PCDHA5: variants seen among roughly 807,000 people sequenced by gnomAD.
PCDHA5 encodes the protein protocadherin alpha-5.
In PCDHA5, 43 loss-of-function variants were observed where a neutral mutation model predicts 61.6. The observed-to-expected ratio is 0.70, with a 90% CI of 0.55 to 0.90. The LOEUF is 0.90. Among genes scored for constraint, PCDHA5 ranks in the 40% least tolerant of loss-of-function variants. The pLI is 0.00. For missense variants in PCDHA5, 1,298 were observed against 1,222.7 expected (o/e 1.06, Z -0.92); for synonymous variants, 627 against 543.9 (o/e 1.15, Z -2.13).
chr5:140,925,503 C>T (rs1210013790), intron 1 of PCDHA5, among the ~76,000 whole-genome samples: 1 of 151,978 alleles, frequency 6.6e-6, no homozygotes, highest in Non-Finnish European at 1.5e-5. Context: ...TCCCAATATC[C>T]ACGCAAAAGA....
chr5:140,953,475 T>C (rs1178172011), intron 1 of PCDHA5, among the ~76,000 whole-genome samples: 3 of 152,140 alleles, frequency 2.0e-5, no homozygotes, highest in African/African-American at 7.2e-5. Context: ...AACTTCCTCA[T>C]GCTGTGTCAC....
chr5:140,994,314 C>T (rs936811729), intron 3 of PCDHA5, among the ~76,000 whole-genome samples: 4 of 152,192 alleles, frequency 2.6e-5, no homozygotes, highest in African/African-American at 9.6e-5. Flanking sequence ...AGGGCCCAAA[C>T]ACTCTCAGCA....
At chr5:140,989,940 G>A (rs947716591) in intron 3 of PCDHA5, among the ~76,000 whole-genome samples, 9 of 152,062 alleles carry the variant, frequency 5.9e-5, no homozygotes, top group Admixed American at 1.3e-4. Flanking sequence ...GACATTCCAC[G>A]TTTTTCTCGG....
chr5:140,897,875 G>A (rs2066378352), intron 1 of PCDHA5, among the ~76,000 whole-genome samples: 1 of 152,080 alleles, frequency 6.6e-6, no homozygotes, highest in South Asian at 2.1e-4. Flanking sequence ...TTTAATGATT[G>A]CCATTCTAAC....
intron 1 of PCDHA5, among the ~76,000 whole-genome samples, chr5:140,908,003 C>G (rs1325602233): frequency 1.3e-5 from 2 of 152,164 alleles, no homozygotes; most frequent in Non-Finnish European, 2.9e-5. Context: ...ACCATCCAGC[C>G]AAACCACTGG....
intron 1 of PCDHA5, among the ~76,000 whole-genome samples, chr5:140,893,709 G>A (rs141117049): frequency 6.6e-6 from 1 of 152,250 alleles, no homozygotes; most frequent in East Asian, 1.9e-4. Flanking sequence ...AGCCTGTAAA[G>A]CTTCTGCTGA....
chr5:140,928,066 G>A lies in PCDHA5; in HGVS notation c.2353-50883G>A, dbSNP rs376048656. On this transcript the variant is annotated intron_variant, in intron 1 of 3. Transcript: ENST00000529859. ...CCCTTTTCAGCTGACGGCTTCCTTT[G>A]ACAACTACTACAGCCTGCTGATTGA... 8.7e-6 allele frequency: 14 copies of A among 1,614,036 alleles called. No individual in the cohort carries two copies. In the African/African-American group the frequency reaches 1.9e-4, roughly 22 times the overall value.
Position 140,823,879 on chromosome 5 carries a change from G to T in PCDHA5, c.2104G>T (p.Ala702Ser). ...LVDVNVYLII[A>S]ICAVSSLLVL... ...GGATGTCAACGTGTACCTGATCATC[G>T]CCATCTGTGCGGTGTCCAGCCTGCT... is the stretch of plus-strand genomic sequence containing the variant. Residue 702 changes from alanine (A) to serine (S), a missense_variant, in exon 1 of 4, where the codon GCC (alanine) becomes TCC (serine). Coordinates refer to ENST00000529859, the MANE Select transcript of PCDHA5 (RefSeq NM_018908.3). 1 of 1,613,898 alleles carries T rather than the reference G, an allele frequency of 6.2e-7. No individual in the cohort carries two copies. Among genetic ancestry groups the T allele is most frequent in the Non-Finnish European group, 8.5e-7 (1 of 1,179,928 alleles).
At chr5:140,952,111 G>A (rs1040553968) in intron 1 of PCDHA5, among the ~76,000 whole-genome samples, 1 of 152,086 alleles carries the variant, frequency 6.6e-6, no homozygotes, top group Non-Finnish European at 1.5e-5. Context: ...ACTCGTGTGA[G>A]GGATGGGCTC....
chr5:140,990,754 G>A (rs3822343), intron 3 of PCDHA5, among the ~76,000 whole-genome samples: 7,419 of 152,246 alleles, frequency 0.049, 237 homozygotes, highest in South Asian at 0.11. Flanking sequence ...GGATACCTTT[G>A]AGCCTGTAAA....
intron 3 of PCDHA5, among the ~76,000 whole-genome samples, chr5:140,990,685 C>T (rs1451672615): frequency 2.6e-5 from 4 of 152,252 alleles, no homozygotes; most frequent in South Asian, 4.1e-4. Context: ...AAGCTGCTTT[C>T]GGAGAGTCCA....
In PCDHA5 at chr5:140,857,247, A is replaced by T. The variant is rs140390466; in HGVS notation, c.2352+33120A>T. 1.3e-4 allele frequency: 206 copies of T among 1,598,558 alleles called. 15 individuals carry two copies. The African/African-American group carries it at 2.2e-3, about 17-fold the overall frequency. On this transcript the variant is annotated intron_variant, in intron 1 of 3. Transcript: ENST00000529859. The stretch of plus-strand genomic sequence containing the variant: ...GTTCCGTTCAAGCTGGTGTCCACCT[A>T]CAAGAATTACTACTCATTGGTGCTG...
chr5:140,898,072 G>T (rs1412097602), intron 1 of PCDHA5, among the ~76,000 whole-genome samples: 1 of 152,012 alleles, frequency 6.6e-6, no homozygotes, highest in Non-Finnish European at 1.5e-5. Flanking sequence ...TGAGTTCATT[G>T]TAGATTCTGG....
intron 3 of PCDHA5, among the ~76,000 whole-genome samples, chr5:140,985,692 C>T (rs1208331191): frequency 6.6e-6 from 1 of 151,060 alleles, no homozygotes; most frequent in Non-Finnish European, 1.5e-5. Flanking sequence ...CGCTAATCCT[C>T]GTTCATATGT....
intron 3 of PCDHA5, among the ~76,000 whole-genome samples, chr5:141,000,396 T>TCTATAA (rs2097916207): frequency 7.7e-5 from 5 of 65,332 alleles, no homozygotes; most frequent in African/African-American, 3.1e-4. Context: ...TCTCTCTCTC[T>TCTATAA]ATATATATAT....
At chr5:140,994,081 G>A (rs147535219) in intron 3 of PCDHA5, among the ~76,000 whole-genome samples, 2 of 152,260 alleles carry the variant, frequency 1.3e-5, no homozygotes, top group Admixed American at 6.5e-5. Flanking sequence ...AGGGAGAAAT[G>A]TAAAGAAATA....
intron 1 of PCDHA5, among the ~76,000 whole-genome samples, chr5:140,961,888 T>G (rs1361187779): frequency 4.0e-5 from 5 of 124,944 alleles, no homozygotes; most frequent in Non-Finnish European, 7.9e-5. Context: ...CTTACATCAG[T>G]TTTTTTTTTT....
rs1284021507 is a variant in PCDHA5, at chr5:140,883,838, G to C, written c.2352+59711G>C. The C allele has an allele frequency of 6.2e-7, 1 of 1,612,620 alleles. No individual in the cohort carries two copies. The highest frequency in any genetic ancestry group is 8.5e-7 in the Non-Finnish European group (1 of 1,179,840). On this transcript the variant is annotated intron_variant, in intron 1 of 3. Coordinates refer to ENST00000529859, the MANE Select transcript of PCDHA5 (RefSeq NM_018908.3). ...CAAGGTGTACGCGCTGCAGCCGTTG[G>C]ACCACGAGGAGCTGGAGCTGTTGCA...
intron 1 of PCDHA5, chr5:140,968,346 C>T: frequency 6.2e-7 from 1 of 1,614,090 alleles, no homozygotes. Flanking sequence ...ATTAACAGTG[C>T]CAGTGGCAGC....
Sources: allele counts gnomAD v4.1 joint callset (sites outside exome capture counted in the v4.1 genomes callset), GRCh38; gene constraint gnomAD v4.1.1; transcripts MANE v1.5; gene names NCBI Gene and HGNC (gene_info 2026-07-23, HGNC 2026-07-21).